LTF: variants seen among roughly 807,000 people sequenced by gnomAD.
LTF encodes epididymis luminal protein 110.
A neutral mutation model predicts 87.2 loss-of-function variants in LTF; 91 were observed. That is an observed-to-expected ratio of 1.04 (90% CI 0.88 to 1.24). The LOEUF is 1.24. LTF is among the 50% of genes most tolerant of loss of function. The pLI is 0.00. For missense variants in LTF, 901 were observed against 904.3 expected (o/e 1.00, Z 0.05); for synonymous variants, 378 against 356.1 (o/e 1.06, Z -0.69).
chr3:46,445,597 A>T, intron 11 of LTF, among the ~76,000 whole-genome samples, 161 bp from the exon 12 acceptor site: 1 of 152,266 alleles, frequency 6.6e-6, no homozygotes, highest in East Asian at 1.9e-4. Flanking sequence ...CCGAGAAAGC[A>T]TAAGCTGCTG....
Position 46,441,467 on chromosome 3 carries a change from C to A in LTF, c.1672G>T (p.Ala558Ser). Residue 558 changes from alanine (A) to serine (S), a missense_variant, in exon 14 of 17, where the codon GCT (alanine) becomes TCT (serine). Ala to Ser is a moderately conservative substitution (Grantham distance 99). Coordinates refer to ENST00000231751, the MANE Select transcript of LTF (RefSeq NM_002343.6). The stretch of plus-strand genomic sequence containing the variant: ...TCTTTCACAAATGCAACGTCTCCAG[C>A]ATTCTCAGCCAGGCACCTAAAATGT... ...TGAFRCLAEN[A>S]GDVAFVKDVT... 1 of 1,613,614 alleles carries A rather than the reference C, an allele frequency of 6.2e-7. No homozygotes were observed. The highest frequency in any genetic ancestry group is 8.5e-7 in the Non-Finnish European group (1 of 1,179,708).
chr3:46,436,862 T>C (rs1282996560), intron 16 of LTF, among the ~76,000 whole-genome samples: 2 of 152,240 alleles, frequency 1.3e-5, no homozygotes, highest in Admixed American at 6.5e-5. Context: ...TAACCCTTTA[T>C]TGCAGGGGGC....
chr3:46,478,285 C>G (rs1053981495), intron 1 of LTF, among the ~76,000 whole-genome samples: 1 of 152,162 alleles, frequency 6.6e-6, no homozygotes, highest in Non-Finnish European at 1.5e-5. Flanking sequence ...CAGCTGCGTC[C>G]CGACTGTCAG....
At chr3:46,449,587 T>C (rs1261102147) in intron 8 of LTF, among the ~76,000 whole-genome samples, 2 of 152,192 alleles carry the variant, frequency 1.3e-5, no homozygotes, top group African/African-American at 4.8e-5. Flanking sequence ...CTGGCTATCT[T>C]TGTTCATGTT....
chr3:46,444,288 C>T (rs1176613545), intron 12 of LTF, among the ~76,000 whole-genome samples: 1 of 152,340 alleles, frequency 6.6e-6, no homozygotes. Flanking sequence ...ATATTGTCTT[C>T]ATACCAGCCC....
chr3:46,481,610 G>A (rs559200580), intron 1 of LTF, among the ~76,000 whole-genome samples: 2 of 152,214 alleles, frequency 1.3e-5, no homozygotes, highest in Non-Finnish European at 2.9e-5. Context: ...AATTAGCTGG[G>A]CCTGGTGGCA....
At chr3:46,465,028 C>T (rs1703181163), upstream of LTF, 1 of 713,088 alleles carries the variant, frequency 1.4e-6, no homozygotes, top group African/African-American at 1.8e-5. Context: ...GATCCAGGCT[C>T]CGAAAAGCCC....
At chr3:46,479,518 GTTT>G (rs1703405091) in intron 1 of LTF, among the ~76,000 whole-genome samples, 1 of 149,336 alleles carries the variant, frequency 6.7e-6, no homozygotes, top group Non-Finnish European at 1.5e-5. Flanking sequence ...CTGTTTGTTT[GTTT>G]GTTTGTTTGT....
At chr3:46,463,736 C>T (rs1214612173) in intron 1 of LTF, 1 of 838,796 alleles carries the variant, frequency 1.2e-6, no homozygotes, top group African/African-American at 1.8e-5. Flanking sequence ...CCAGGTGGCC[C>T]TAACCCTGTG....
At chr3:46,474,345 G>T (rs1703331142) in intron 1 of LTF, among the ~76,000 whole-genome samples, 2 of 152,154 alleles carry the variant, frequency 1.3e-5, no homozygotes, top group African/African-American at 4.8e-5. Context: ...TCAGGGCAAA[G>T]AAAATTATTA....
rs1282092317 is a variant in LTF at position 46,439,485 on chromosome 3, G to C, written c.1724-5C>G. 1 of 1,596,544 alleles carries C rather than the reference G, an allele frequency of 6.3e-7. No homozygotes were observed. The highest frequency in any genetic ancestry group is 1.3e-5 in the African/African-American group (1 of 74,368). ...CCCATGCCTCATTGTTATTTCCTGG[G>C]GAGAAAAAGAAGGTGGCATCATCCA... On this transcript the variant is annotated splice_region_variant and splice_polypyrimidine_tract_variant and intron_variant, in intron 14 of 16. Coordinates refer to ENST00000231751, the MANE Select transcript of LTF (RefSeq NM_002343.6).
intron 1 of LTF, among the ~76,000 whole-genome samples, chr3:46,461,344 T>G (rs6794622): frequency 0.47 from 72,130 of 152,180 alleles, 19,969 homozygotes; most frequent in African/African-American, 0.77. Flanking sequence ...CATACATAAA[T>G]GCTTGTGCAT....
intron 6 of LTF, among the ~76,000 whole-genome samples, chr3:46,451,028 G>A (rs1300567195): frequency 6.6e-6 from 1 of 152,162 alleles, no homozygotes; most frequent in Non-Finnish European, 1.5e-5. Context: ...GCCACCAAGG[G>A]TTGCTCCCTT....
chr3:46,447,615 G>T (rs1167675099), intron 9 of LTF, among the ~76,000 whole-genome samples: 1 of 152,218 alleles, frequency 6.6e-6, no homozygotes, highest in East Asian at 1.9e-4. Context: ...CAACTGGAAA[G>T]ACCAGGCACA....
intron 13 of LTF, 77 bp from the exon 14 acceptor site, chr3:46,441,560 A>G (rs934579549): frequency 1.3e-5 from 14 of 1,063,728 alleles, no homozygotes; most frequent in Non-Finnish European, 1.4e-5. Context: ...TGTAATATGC[A>G]TTCCAAAAAC....
chr3:46,440,055 T>C (rs1156662168), intron 14 of LTF, among the ~76,000 whole-genome samples: 1 of 152,260 alleles, frequency 6.6e-6, no homozygotes, highest in African/African-American at 2.4e-5. Flanking sequence ...CAAGGGTTTC[T>C]TTATGGGAGG....
At position 46,438,147 on chromosome 3, in the gene LTF, A is replaced by AC. The variant is rs1331067674; in HGVS notation, c.1909-19dup. ...AATTTAGCCTGCGACAAAAGGGCAG[A>AC]CAGTGAGTAGCTAAGGAAAAGAGGA... On this transcript the variant is annotated intron_variant, in intron 15 of 16. Transcript: ENST00000231751. The AC allele has an allele frequency of 6.2e-7, 1 of 1,605,716 alleles. No homozygotes were observed. Among genetic ancestry groups the AC allele is most frequent in the Non-Finnish European group, 8.5e-7 (1 of 1,173,646 alleles).
At chr3:46,440,544 C>T (rs781368017) in intron 14 of LTF, among the ~76,000 whole-genome samples, 1 of 152,198 alleles carries the variant, frequency 6.6e-6, no homozygotes, top group South Asian at 2.1e-4. Flanking sequence ...TTCCGGCTCC[C>T]GTTTGTCTCT....
Position 46,445,333 on chromosome 3 carries a change from G to T in LTF, c.1461C>A (p.Gly487=), listed in dbSNP as rs1027361912. The change falls in exon 12 of 17, where the codon GGC becomes GGA. Residue 487 remains glycine (G), a synonymous_variant. Coordinates refer to ENST00000231751, the MANE Select transcript of LTF (RefSeq NM_002343.6). ...AGAGCAGGCCCATGGGGATATTCCA[G>T]CCTGCAGTCCTGTCCACGGCGGTGT... ...SCHTAVDRTA[G]WNIPMGLLFN... The T allele has an allele frequency of 1.9e-6, 3 of 1,613,654 alleles. No homozygotes were observed. The Admixed American group carries it at 5.0e-5, about 27-fold the overall frequency.
Sources: gnomAD v4.1 joint callset for allele counts (sites outside exome capture counted in the v4.1 genomes callset) on GRCh38, gnomAD v4.1.1 for gene constraint, MANE v1.5 for transcripts, NCBI Gene and HGNC (gene_info 2026-07-23, HGNC 2026-07-21) for gene names.